MAN1A2: variants seen among roughly 807,000 people sequenced by gnomAD.
The protein encoded by MAN1A2 is mannosidase alpha class 1A member 2, also known as mannosyl-oligosaccharide 1,2-alpha-mannosidase IB.
MAN1A2 carries 26 observed loss-of-function variants against 75.7 expected under a neutral mutation model. That is an observed-to-expected ratio of 0.34 (90% CI 0.25 to 0.48). The LOEUF is 0.48. Among genes scored for constraint, MAN1A2 ranks in the 20% least tolerant of loss-of-function variants. The pLI is 0.99. For missense variants in MAN1A2, 562 were observed against 775.5 expected, an observed-to-expected ratio of 0.72 and a Z score of 3.27; for synonymous variants, 247 against 264.6, an observed-to-expected ratio of 0.93 and a Z score of 0.65.
chr1:117,431,823 A>G (rs1474002836), intron 5 of MAN1A2, among the ~76,000 whole-genome samples: 1 of 152,068 alleles, frequency 6.6e-6, no homozygotes, highest in Non-Finnish European at 1.5e-5. Flanking sequence ...GGTAGCATGT[A>G]CCTGTAGTCC....
intron 6 of MAN1A2, among the ~76,000 whole-genome samples, chr1:117,457,319 G>A (rs115547050): frequency 2.4e-4 from 36 of 152,000 alleles, no homozygotes; most frequent in African/African-American, 8.2e-4. Flanking sequence ...GAGTATATAC[G>A]TAAATTTTAG....
At chr1:117,480,422 T>TG (rs1413171191) in intron 8 of MAN1A2, among the ~76,000 whole-genome samples, 1 of 151,896 alleles carries the variant, frequency 6.6e-6, no homozygotes, top group East Asian at 1.9e-4. Context: ...TATCCTCTGT[T>TG]GTCTGATGTT....
intron 6 of MAN1A2, among the ~76,000 whole-genome samples, chr1:117,449,262 T>G (rs1649330260): frequency 6.6e-6 from 1 of 152,030 alleles, no homozygotes; most frequent in African/African-American, 2.4e-5. Context: ...CACTTTAAAT[T>G]AAAAGTTAGA....
At chr1:117,379,935 T>C (rs1288953695) in intron 1 of MAN1A2, among the ~76,000 whole-genome samples, 1 of 152,188 alleles carries the variant, frequency 6.6e-6, no homozygotes, top group Non-Finnish European at 1.5e-5. Flanking sequence ...TTGTGAATAG[T>C]GTTGCTGTGA....
chr1:117,367,832 T>TC lies in MAN1A2; in HGVS notation c.-351dup, dbSNP rs1415936902. 1 of 209,188 alleles carries TC rather than the reference T, an allele frequency of 4.8e-6. No homozygotes were observed. The highest frequency in any genetic ancestry group is 9.5e-6 in the Non-Finnish European group (1 of 105,296). 13.0% of individuals were successfully genotyped at this position (209,188 alleles called of 1,614,324 possible). ...CGGGGCGGAAGACTACGTTTGAGCA[T>TC]CTCACTGAGGTGCAGGAATGGAAGA... On this transcript the variant is annotated 5_prime_UTR_variant, in exon 1 of 13. The change creates a premature stop within an existing upstream ORF in the 5' untranslated region. Coordinates refer to ENST00000356554, the MANE Select transcript of MAN1A2 (RefSeq NM_006699.5).
chr1:117,461,146 T>C (rs970637028), intron 7 of MAN1A2, among the ~76,000 whole-genome samples: 1 of 152,134 alleles, frequency 6.6e-6, no homozygotes, highest in Non-Finnish European at 1.5e-5. Flanking sequence ...TCTTATGTAA[T>C]AGAACAAAAG....
chr1:117,526,880 C>CTCTATATA lies in MAN1A2; in HGVS notation c.*3924_*3925insCTATATAT. On this transcript the variant is annotated 3_prime_UTR_variant, in exon 13 of 13. Transcript: ENST00000356554. ...TCTCTCTCTCTCTCTCTCTCTCTCTCTATATATATATATATATATATATAT... is the reference window on the plus strand; with the variant it reads ...TCTCTCTCTCTCTCTCTCTCTCTCTCTCTATATATATATATATATATATATATATATAT... 1.7e-3 allele frequency: 91 copies of CTCTATATA among 54,516 alleles called. No homozygotes were observed. Among genetic ancestry groups the CTCTATATA allele is most frequent in the African/African-American group, 4.6e-3 (56 of 12,280 alleles). The allele number at this position is 54,516 out of a possible 1,614,324, so 3.4% of individuals were successfully genotyped here.
intron 8 of MAN1A2, among the ~76,000 whole-genome samples, chr1:117,469,760 T>C (rs1650090916): frequency 6.6e-6 from 1 of 152,024 alleles, no homozygotes; most frequent in Admixed American, 6.6e-5. Flanking sequence ...AAAATACAAA[T>C]AAACTCACTG....
At chr1:117,435,078 G>T (rs1459967703) in intron 5 of MAN1A2, among the ~76,000 whole-genome samples, 2 of 151,930 alleles carry the variant, frequency 1.3e-5, no homozygotes, top group African/African-American at 4.8e-5. Flanking sequence ...TTAATTTTAG[G>T]TATTTTGAGT....
At chr1:117,415,662 TTA>T (rs560730000) in intron 4 of MAN1A2, among the ~76,000 whole-genome samples, 3 of 93,030 alleles carry the variant, frequency 3.2e-5, no homozygotes, top group African/African-American at 1.1e-4. Flanking sequence ...AGATAGATAT[TTA>T]TTTTTTTTTC....
intron 1 of MAN1A2, among the ~76,000 whole-genome samples, chr1:117,369,960 A>C (rs1402717712): frequency 6.6e-6 from 1 of 152,234 alleles, no homozygotes; most frequent in Non-Finnish European, 1.5e-5. Flanking sequence ...AGTATCTGTC[A>C]TGTACTAAGC....
At position 117,368,397 on chromosome 1, in the gene MAN1A2, G is replaced by A. The variant is rs1261463587; in HGVS notation, c.214G>A (p.Asp72Asn). The change falls in exon 1 of 13, where the codon GAT becomes AAT. Residue 72 changes from aspartate to asparagine, a missense_variant. This residue lies in a region of MAN1A2 where 128 missense variants were observed against 129.8 expected (regional missense o/e 0.99). Transcript: ENST00000356554. The stretch of plus-strand genomic sequence containing the variant: ...CAAACGCTTTGATTTGGGTTTAGAA[G>A]ATGTGTTAATTCCACATGTAGATGC... ...KHKRFDLGLE[D>N]VLIPHVDAGK... 6.2e-7 allele frequency: 1 copy of A among 1,614,140 alleles called. No homozygotes were observed.
At chr1:117,477,579 A>G (rs933991858) in intron 8 of MAN1A2, among the ~76,000 whole-genome samples, 1 of 151,984 alleles carries the variant, frequency 6.6e-6, no homozygotes, top group African/African-American at 2.4e-5. Context: ...CTTCGACAAA[A>G]TTCAACACTC....
chr1:117,460,453 ATCCTGTGTC>A, intron 6 of MAN1A2, 27 bp from the exon 7 acceptor site: 2 of 1,545,424 alleles, frequency 1.3e-6, no homozygotes, highest in Non-Finnish European at 1.8e-6. Flanking sequence ...TCTTTTCCCA[ATCCTGTGTC>A]TCCTTTTACT....
intron 8 of MAN1A2, among the ~76,000 whole-genome samples, chr1:117,489,165 G>T (rs1345368790): frequency 6.6e-6 from 1 of 151,942 alleles, no homozygotes; most frequent in South Asian, 2.1e-4. Context: ...AACATTTCAG[G>T]TTATCTTTAG....
In MAN1A2 at chr1:117,524,629, G is replaced by T. The variant is rs567225226; in HGVS notation, c.*1672G>T. The T allele has an allele frequency of 6.6e-6, 1 of 151,870 alleles. No homozygotes were observed. Among genetic ancestry groups the T allele is most frequent in the African/African-American group, 2.4e-5 (1 of 41,444 alleles). 9.4% of individuals were successfully genotyped at this position (151,870 alleles called of 1,614,324 possible). Reference sequence around the variant, plus strand: ...ATTAACTAATATAGTATTTTCTAAGGTTGATCATCTTATACCACGAATCGT... The same window carrying T: ...ATTAACTAATATAGTATTTTCTAAGTTTGATCATCTTATACCACGAATCGT... On this transcript the variant is annotated 3_prime_UTR_variant, in exon 13 of 13. Coordinates refer to ENST00000356554, the MANE Select transcript of MAN1A2 (RefSeq NM_006699.5).
chr1:117,441,937 GTTTCTTC>G (rs1197726981), intron 5 of MAN1A2, among the ~76,000 whole-genome samples: 1 of 152,110 alleles, frequency 6.6e-6, no homozygotes, highest in Non-Finnish European at 1.5e-5. Context: ...ATAGCCTAAT[GTTTCTTC>G]TTAAATTTTT....
At chr1:117,410,926 A>T (rs1320043098) in intron 3 of MAN1A2, among the ~76,000 whole-genome samples, 1 of 151,790 alleles carries the variant, frequency 6.6e-6, no homozygotes, top group Admixed American at 6.6e-5. Context: ...GCACATGGAA[A>T]ACTTTATGTT....
intron 8 of MAN1A2, among the ~76,000 whole-genome samples, chr1:117,474,840 C>T (rs1282921100): frequency 1.3e-5 from 2 of 151,748 alleles, no homozygotes; most frequent in East Asian, 1.9e-4. Flanking sequence ...TTACATGTTC[C>T]TTCTCTCAAC....
Sources: allele counts gnomAD v4.1 joint callset (sites outside exome capture counted in the v4.1 genomes callset), GRCh38; gene constraint gnomAD v4.1.1; regional missense constraint gnomAD v4.1.1; transcripts MANE v1.5; gene names NCBI Gene and HGNC (gene_info 2026-07-23, HGNC 2026-07-21).